Variants in DAPK1 observed in about 807,000 individuals in gnomAD.
DAPK1 encodes the protein death associated protein kinase 1.
A neutral mutation model predicts 144.9 loss-of-function variants in DAPK1; 56 were observed. The ratio of observed to expected loss-of-function variants is 0.39; its 90% CI spans 0.31 to 0.48. DAPK1 has a LOEUF of 0.48. DAPK1 is among the 20% of genes least tolerant of loss of function. The pLI, the probability that DAPK1 is intolerant of heterozygous loss-of-function variation, is 0.95. For synonymous variants in DAPK1, 690 were observed against 749.0 expected, an observed-to-expected ratio of 0.92 and a Z score of 1.29; for missense variants, 1,454 against 1,875.4, an observed-to-expected ratio of 0.78 and a Z score of 4.15.
rs78014014 is a variant in DAPK1 at position 87,607,481 on chromosome 9, G to A, written c.284+2306G>A. ...CACTGCCCCTCTTGTGCCTCTCTGCGTGTACATATTGTGCATTCAACATCT... is the reference window on the plus strand; with the variant it reads ...CACTGCCCCTCTTGTGCCTCTCTGCATGTACATATTGTGCATTCAACATCT... On this transcript the variant is annotated intron_variant, in intron 3 of 25. Coordinates refer to ENST00000408954, the MANE Select transcript of DAPK1 (RefSeq NM_004938.4). Among the ~76,000 whole-genome samples, 536 of 152,186 alleles carry A rather than the reference G, an allele frequency of 3.5e-3. 5 individuals are homozygous for A. Among genetic ancestry groups the A allele is most frequent in the African/African-American group, 0.012 (507 of 41,520 alleles).
chr9:87,654,674 T>G (rs1830572795), intron 17 of DAPK1, among the ~76,000 whole-genome samples: 1 of 152,202 alleles, frequency 6.6e-6, no homozygotes, highest in Admixed American at 6.5e-5. Flanking sequence ...CCATCTAGGA[T>G]TCTTTAAATG....
At chr9:87,666,233 C>T (rs1208376959) in intron 18 of DAPK1, among the ~76,000 whole-genome samples, 1 of 152,114 alleles carries the variant, frequency 6.6e-6, no homozygotes, top group African/African-American at 2.4e-5. Context: ...TGCCATTTTC[C>T]ATCTTGCAGA....
At chr9:87,664,030 C>T (rs1830962981) in intron 18 of DAPK1, among the ~76,000 whole-genome samples, 1 of 152,100 alleles carries the variant, frequency 6.6e-6, no homozygotes, top group Non-Finnish European at 1.5e-5. Context: ...CAGTCGGACT[C>T]TTCACCCACC....
chr9:87,503,930 G>A (rs929398427), intron 2 of DAPK1, among the ~76,000 whole-genome samples: 1 of 152,118 alleles, frequency 6.6e-6, no homozygotes, highest in South Asian at 2.1e-4. Context: ...TTCCCCTTTC[G>A]GCATAAAATC....
chr9:87,664,858 A>T (rs1048987451), intron 18 of DAPK1, among the ~76,000 whole-genome samples: 2 of 151,316 alleles, frequency 1.3e-5, no homozygotes, highest in Admixed American at 1.3e-4. Context: ...TGCCTCCCTG[A>T]CCCCCATCTC....
intron 2 of DAPK1, among the ~76,000 whole-genome samples, chr9:87,578,576 G>T (rs909987280): frequency 6.6e-6 from 1 of 152,174 alleles, no homozygotes; most frequent in Admixed American, 6.5e-5. Flanking sequence ...TTTCCAGAAG[G>T]GTTGTGTTGT....
intron 19 of DAPK1, among the ~76,000 whole-genome samples, chr9:87,679,158 A>G (rs748520540): frequency 7.2e-5 from 11 of 151,960 alleles, no homozygotes; most frequent in Non-Finnish European, 1.3e-4. Flanking sequence ...TGGCGATTCT[A>G]CACCTGCCAG....
rs1362592392 is a variant in DAPK1, at chr9:87,637,956, G to C, written c.298G>C (p.Glu100Gln). ...ILILELVAGG[E>Q]LFDFLAEKES... ...CCGGGTTCTCAGCGTTGCAGGTGGC[G>C]AGCTGTTTGACTTCTTAGCTGAAAA... Residue 100 changes from glutamate to glutamine, a missense_variant, in exon 4 of 26, where the codon GAG becomes CAG. Physicochemically the swap from Glu to Gln is conservative, Grantham distance 29 (BLOSUM62 2). This residue lies in a region of DAPK1 where 429 missense variants were observed against 637.5 expected (regional missense o/e 0.67). Coordinates refer to ENST00000408954, the MANE Select transcript of DAPK1 (RefSeq NM_004938.4). 1 of 1,613,892 alleles carries C rather than the reference G, an allele frequency of 6.2e-7. No individual in the cohort carries two copies. Among genetic ancestry groups the C allele is most frequent in the Admixed American group, 1.7e-5 (1 of 60,004 alleles).
At chr9:87,666,952 T>C (rs1831082228) in intron 18 of DAPK1, among the ~76,000 whole-genome samples, 1 of 152,208 alleles carries the variant, frequency 6.6e-6, no homozygotes, top group African/African-American at 2.4e-5. Flanking sequence ...AGATTTCTTC[T>C]AACTAGGGCA....
chr9:87,663,383 G>C (rs3128474), intron 18 of DAPK1, among the ~76,000 whole-genome samples: 98,341 of 151,978 alleles, frequency 0.65, 32,434 homozygotes, highest in South Asian at 0.79. Context: ...CACCCCAAAG[G>C]CCCCATGAAC....
intron 18 of DAPK1, among the ~76,000 whole-genome samples, chr9:87,663,535 A>C (rs916639240): frequency 6.6e-6 from 1 of 152,072 alleles, no homozygotes; most frequent in South Asian, 2.1e-4. Flanking sequence ...TATCCCCAGG[A>C]CTGGGCACCC....
chr9:87,665,390 C>T (rs1433640019), intron 18 of DAPK1, among the ~76,000 whole-genome samples: 4 of 152,234 alleles, frequency 2.6e-5, no homozygotes, highest in South Asian at 2.1e-4. Flanking sequence ...GTTTGTTGAC[C>T]GAGTGCTAAG....
At chr9:87,582,236 C>T (rs1827776831) in intron 2 of DAPK1, among the ~76,000 whole-genome samples, 1 of 151,728 alleles carries the variant, frequency 6.6e-6, no homozygotes, top group Admixed American at 6.6e-5. Flanking sequence ...TCTGATTGTA[C>T]CAAGTGGTGA....
intron 13 of DAPK1, 26 bp downstream of exon 13, chr9:87,646,585 T>C: frequency 6.4e-7 from 1 of 1,570,458 alleles, no homozygotes; most frequent in South Asian, 1.1e-5. Flanking sequence ...TTGAAATGAA[T>C]TGAATTTTAA....
At chr9:87,696,356 C>G (rs1338077559) in intron 21 of DAPK1, among the ~76,000 whole-genome samples, 3 of 151,990 alleles carry the variant, frequency 2.0e-5, no homozygotes, top group African/African-American at 7.3e-5. Flanking sequence ...GAAAAACAGA[C>G]ATGGATATAC....
intron 18 of DAPK1, among the ~76,000 whole-genome samples, chr9:87,659,517 T>C (rs1830755162): frequency 6.6e-6 from 1 of 152,180 alleles, no homozygotes; most frequent in South Asian, 2.1e-4. Context: ...GCCAGGCCAT[T>C]ATTGAAGATG....
chr9:87,524,980 T>A (rs1825436381), intron 2 of DAPK1, among the ~76,000 whole-genome samples: 1 of 152,012 alleles, frequency 6.6e-6, no homozygotes, highest in Non-Finnish European at 1.5e-5. Context: ...ATTTCACAGA[T>A]CCCCACTAAA....
chr9:87,596,615 G>A (rs1159398252), intron 2 of DAPK1, among the ~76,000 whole-genome samples: 3 of 152,172 alleles, frequency 2.0e-5, no homozygotes, highest in East Asian at 1.9e-4. Flanking sequence ...CTGAGCCTGG[G>A]ACAGGGCCTG....
intron 2 of DAPK1, among the ~76,000 whole-genome samples, chr9:87,502,933 A>G (rs1189764670): frequency 6.6e-6 from 1 of 152,124 alleles, no homozygotes; most frequent in Non-Finnish European, 1.5e-5. Context: ...ATTGGGATTA[A>G]TGCATGCCTC....
Sources: gnomAD v4.1 joint callset for allele counts (sites outside exome capture counted in the v4.1 genomes callset) on GRCh38, gnomAD v4.1.1 for gene constraint, gnomAD v4.1.1 regional missense constraint, MANE v1.5 for transcripts, NCBI Gene and HGNC (gene_info 2026-07-23, HGNC 2026-07-21) for gene names.